The following TENM3 variants were observed in gnomAD, a reference collection of about 807,000 sequenced individuals.
TENM3 encodes the protein teneurin transmembrane protein 3.
TENM3 carries 63 observed loss-of-function variants against 255.1 expected under a neutral mutation model. The ratio of observed to expected loss-of-function variants is 0.25; its 90% confidence interval spans 0.20 to 0.30. The LOEUF is 0.30. Ranked by LOEUF, TENM3 falls within the 10% of genes least tolerant of loss-of-function variation. The pLI, the probability that TENM3 is intolerant of heterozygous loss-of-function variation, is 1.00. For synonymous variants in TENM3, 1,306 were observed against 1,322.3 expected (o/e 0.99, Z 0.27); for missense variants, 2,929 against 3,461.1 (o/e 0.85, Z 3.86).
chr4:182,054,973 C>T, the TENM3 span, among the ~76,000 whole-genome samples: 1 of 152,246 alleles, frequency 6.6e-6, no homozygotes, highest in Non-Finnish European at 1.5e-5. Context: ...ATCTGCGAGC[C>T]TATTCCTTGA....
the TENM3 span, among the ~76,000 whole-genome samples, chr4:181,598,527 AT>A: frequency 4.6e-5 from 7 of 152,234 alleles, no homozygotes; most frequent in East Asian, 9.6e-4. Context: ...TTTTTAAAGG[AT>A]TTTTTTATGA....
intron 3 of TENM3, among the ~76,000 whole-genome samples, chr4:182,510,793 A>C (rs973190023): frequency 6.6e-6 from 1 of 152,148 alleles, no homozygotes; most frequent in African/African-American, 2.4e-5. Flanking sequence ...TATATATTCT[A>C]TCTTCTTGTA....
chr4:182,455,781 C>T (rs1368809841), intron 3 of TENM3, among the ~76,000 whole-genome samples: 1 of 151,912 alleles, frequency 6.6e-6, no homozygotes, highest in African/African-American at 2.4e-5. Context: ...AGGCTGGTCT[C>T]GAACTCCTGA....
chr4:182,030,135 G>T, the TENM3 span, among the ~76,000 whole-genome samples: 1 of 150,420 alleles, frequency 6.6e-6, no homozygotes, highest in Non-Finnish European at 1.5e-5. Context: ...TGTTACATAG[G>T]TAAACGTGTG....
the TENM3 span, among the ~76,000 whole-genome samples, chr4:181,782,935 G>A: frequency 6.6e-6 from 1 of 152,300 alleles, no homozygotes; most frequent in Admixed American, 6.5e-5. Flanking sequence ...GCGGTTTTGA[G>A]TGAGTTTCTT....
intron 4 of TENM3, among the ~76,000 whole-genome samples, chr4:182,626,051 A>G (rs1485461686): frequency 6.6e-6 from 1 of 152,228 alleles, no homozygotes; most frequent in African/African-American, 2.4e-5. Flanking sequence ...ATGTCTACAA[A>G]AAAGTGTTAT....
Position 182,793,854 on chromosome 4 carries a change from C to T in TENM3, c.7182C>T (p.Ser2394=). ...LYMFRNNNPA[S]KIHDVKDYIT... The stretch of plus-strand genomic sequence containing the variant: ...TGTTTAGGAATAACAACCCTGCAAG[C>T]AAAATCCATGACGTGAAAGATTACA... The change falls in exon 26 of 28, where the codon AGC becomes AGT. Residue 2394 remains serine (S), a synonymous_variant. Transcript: ENST00000511685. The surrounding 1 kb of genome is among the most constrained non-coding windows in gnomAD (Gnocchi z 5.7). The T allele has an allele frequency of 6.2e-7, 1 of 1,611,204 alleles. No homozygotes were observed. Among genetic ancestry groups the T allele is most frequent in the Non-Finnish European group, 8.5e-7 (1 of 1,178,266 alleles).
the TENM3 span, among the ~76,000 whole-genome samples, chr4:181,638,608 G>A: frequency 1.3e-5 from 2 of 152,144 alleles, no homozygotes; most frequent in African/African-American, 4.8e-5. Flanking sequence ...TTCATTATGA[G>A]AGCAGAGAGA....
chr4:181,501,244 GAC>G, the TENM3 span, among the ~76,000 whole-genome samples: 1 of 152,188 alleles, frequency 6.6e-6, no homozygotes, highest in African/African-American at 2.4e-5. Flanking sequence ...ATGACTTGAG[GAC>G]ACAGAGGCAG....
intron 3 of TENM3, among the ~76,000 whole-genome samples, chr4:182,431,576 T>G (rs1269504620): frequency 2.6e-5 from 4 of 152,056 alleles, no homozygotes; most frequent in Non-Finnish European, 4.4e-5. Flanking sequence ...TGATAATGGA[T>G]TTTACGTAGG....
At chr4:181,477,079 CAT>C in the TENM3 span, among the ~76,000 whole-genome samples, 5 of 152,036 alleles carry the variant, frequency 3.3e-5, no homozygotes, top group Admixed American at 1.3e-4. Flanking sequence ...TTCATTCATT[CAT>C]TCATTCATTC....
chr4:181,605,584 G>GAAAGAAAGAAAGATAGATAGAAAGAAA, the TENM3 span, among the ~76,000 whole-genome samples: 2 of 69,142 alleles, frequency 2.9e-5, 1 homozygote, highest in Non-Finnish European at 6.0e-5. Flanking sequence ...GAGAAAGAAA[G>GAAAGAAAGAAAGATAGATAGAAAGAAA]GAAAGAAAGA....
the TENM3 span, among the ~76,000 whole-genome samples, chr4:181,888,756 C>T: frequency 1.3e-5 from 2 of 150,342 alleles, no homozygotes; most frequent in Non-Finnish European, 3.0e-5. Flanking sequence ...GGCAGGGGTC[C>T]GTTGGAGGAG....
chr4:181,980,676 T>C, the TENM3 span, among the ~76,000 whole-genome samples: 1 of 152,220 alleles, frequency 6.6e-6, no homozygotes, highest in Admixed American at 6.5e-5. Flanking sequence ...TTTTTCCATG[T>C]ATCTAATTTC....
intron 12 of TENM3, among the ~76,000 whole-genome samples, chr4:182,709,290 A>G (rs1244640358): frequency 6.6e-6 from 1 of 152,112 alleles, no homozygotes; most frequent in African/African-American, 2.4e-5. Flanking sequence ...GCTCTGGAAA[A>G]TAGTTTTTTT....
chr4:181,564,344 G>T, the TENM3 span, among the ~76,000 whole-genome samples: 1 of 152,054 alleles, frequency 6.6e-6, no homozygotes, highest in Non-Finnish European at 1.5e-5. Context: ...TTATGAAGCG[G>T]GCACTGTTTT....
chr4:181,958,189 A>G, the TENM3 span, among the ~76,000 whole-genome samples: 3 of 152,230 alleles, frequency 2.0e-5, no homozygotes, highest in Non-Finnish European at 4.4e-5. Flanking sequence ...CTTCCTGAAC[A>G]TAGACACATA....
chr4:181,694,901 T>C, the TENM3 span, among the ~76,000 whole-genome samples: 1 of 152,202 alleles, frequency 6.6e-6, no homozygotes, highest in East Asian at 1.9e-4. Flanking sequence ...TTATTCCAAT[T>C]GCCTCTCTGT....
chr4:182,775,543 C>T (rs1318292809), intron 24 of TENM3, among the ~76,000 whole-genome samples: 2 of 152,168 alleles, frequency 1.3e-5, no homozygotes, highest in African/African-American at 2.4e-5. Context: ...CACCTGCATC[C>T]CCGTTTGCTG....
Sources: gnomAD v4.1 joint callset for allele counts (sites outside exome capture counted in the v4.1 genomes callset) on GRCh38, gnomAD v4.1.1 for gene constraint, Gnocchi (gnomAD v3.1) non-coding constraint, MANE v1.5 for transcripts, NCBI Gene and HGNC (gene_info 2026-07-23, HGNC 2026-07-21) for gene names.